TJP1: variants seen among roughly 807,000 people sequenced by gnomAD.
TJP1 encodes the protein tight junction protein 1.
A neutral mutation model predicts 194.2 loss-of-function variants in TJP1; 43 were observed. The ratio of observed to expected loss-of-function variants is 0.22; its 90% confidence interval spans 0.17 to 0.29. The LOEUF (loss-of-function observed/expected upper bound fraction) is 0.29, where lower values mean the gene tolerates loss of function less well. Ranked by LOEUF, TJP1 falls within the 10% of genes least tolerant of loss-of-function variation. The pLI is 1.00. For synonymous variants in TJP1, 801 were observed against 779.0 expected (o/e 1.03, Z -0.47); for missense variants, 1,971 against 2,185.7 (o/e 0.90, Z 1.96).
chr15:29,959,076 G>C (rs964998237), intron 1 of TJP1, among the ~76,000 whole-genome samples: 4 of 150,914 alleles, frequency 2.7e-5, no homozygotes, highest in Non-Finnish European at 5.9e-5. Context: ...TGCAAGCTCC[G>C]TCTCCTGGGT....
At chr15:29,862,471 AC>A (rs200826030) in intron 2 of TJP1, among the ~76,000 whole-genome samples, 433 of 151,884 alleles carry the variant, frequency 2.9e-3, no homozygotes, top group African/African-American at 9.9e-3. Flanking sequence ...ACAAAAAAAA[AC>A]CCCTCGTATA....
intron 1 of TJP1, among the ~76,000 whole-genome samples, chr15:29,807,042 T>G (rs141402872): frequency 3.5e-4 from 54 of 152,318 alleles, no homozygotes; most frequent in Admixed American, 3.9e-4. Flanking sequence ...GATAAAAGTC[T>G]CAATAGAAAT....
intron 16 of TJP1, among the ~76,000 whole-genome samples, chr15:29,727,290 G>A (rs1372432873): frequency 2.6e-5 from 4 of 151,212 alleles, no homozygotes; most frequent in Non-Finnish European, 5.9e-5. Context: ...GCTACAGTGA[G>A]CCGAGATCAC....
intron 2 of TJP1, among the ~76,000 whole-genome samples, chr15:29,887,788 C>A (rs1340484403): frequency 2.6e-5 from 4 of 152,140 alleles, no homozygotes; most frequent in Non-Finnish European, 5.9e-5. Flanking sequence ...CAAAGGTCAT[C>A]ATCAAAAGAC....
At chr15:29,758,698 C>T (rs1329757982) in intron 8 of TJP1, among the ~76,000 whole-genome samples, 5 of 152,092 alleles carry the variant, frequency 3.3e-5, no homozygotes, top group African/African-American at 1.2e-4. Flanking sequence ...TGCTATATCA[C>T]TGTGTGTGTG....
intron 22 of TJP1, among the ~76,000 whole-genome samples, chr15:29,717,527 T>A (rs1406412907): frequency 1.2e-4 from 2 of 16,090 alleles, no homozygotes; most frequent in African/African-American, 1.9e-4. Context: ...TCTTGTAAGC[T>A]ACTTGCCCCT....
intron 2 of TJP1, among the ~76,000 whole-genome samples, chr15:29,941,785 C>G (rs545412873): frequency 6.6e-6 from 1 of 152,222 alleles, no homozygotes; most frequent in South Asian, 2.1e-4. Flanking sequence ...AGATTGTGAC[C>G]ATTTTAAAGG....
intron 23 of TJP1, among the ~76,000 whole-genome samples, chr15:29,712,857 C>T (rs2042324197): frequency 6.9e-6 from 1 of 145,982 alleles, no homozygotes; most frequent in Non-Finnish European, 1.5e-5. Flanking sequence ...CAAGTGAAGA[C>T]ACAGGAAAAA....
chr15:29,874,988 A>C (rs1328744481), intron 2 of TJP1, among the ~76,000 whole-genome samples: 1 of 152,246 alleles, frequency 6.6e-6, no homozygotes, highest in African/African-American at 2.4e-5. Flanking sequence ...ATCAAAAAGA[A>C]GCATGTATTG....
chr15:29,745,930 G>C (rs183605568), intron 8 of TJP1, among the ~76,000 whole-genome samples: 1 of 152,168 alleles, frequency 6.6e-6, no homozygotes, highest in Non-Finnish European at 1.5e-5. Flanking sequence ...TCTGGAGAAT[G>C]GCTTAATTCA....
At chr15:29,831,656 C>T (rs1292767206) in intron 2 of TJP1, among the ~76,000 whole-genome samples, 4 of 152,062 alleles carry the variant, frequency 2.6e-5, no homozygotes, top group Non-Finnish European at 4.4e-5. Context: ...CACTGTAAAA[C>T]GACATTTTAA....
intron 2 of TJP1, among the ~76,000 whole-genome samples, chr15:29,882,705 C>T (rs985757471): frequency 7.9e-5 from 12 of 152,178 alleles, no homozygotes; most frequent in Admixed American, 2.6e-4. Context: ...CCTCCCCAAA[C>T]GAAGAGCCAC....
chr15:29,811,191 T>C (rs2049474139), intron 1 of TJP1, among the ~76,000 whole-genome samples: 1 of 152,042 alleles, frequency 6.6e-6, no homozygotes, highest in Non-Finnish European at 1.5e-5. Context: ...AATAATCCAC[T>C]AGGAGCTTAC....
At chr15:29,846,090 C>T (rs994251541) in intron 2 of TJP1, among the ~76,000 whole-genome samples, 1 of 152,168 alleles carries the variant, frequency 6.6e-6, no homozygotes, top group African/African-American at 2.4e-5. Context: ...ATCTTTGCGT[C>T]TTTCTTCTCT....
chr15:29,882,311 C>A (rs1374151226), intron 2 of TJP1, among the ~76,000 whole-genome samples: 2 of 152,108 alleles, frequency 1.3e-5, no homozygotes, highest in Non-Finnish European at 2.9e-5. Context: ...TCAGTAGGCT[C>A]AAAGCTATAA....
upstream of TJP1, among the ~76,000 whole-genome samples, chr15:29,824,438 C>T (rs1416085211): frequency 4.0e-5 from 5 of 124,076 alleles, no homozygotes; most frequent in Non-Finnish European, 8.6e-5. Flanking sequence ...AGCGAAACTC[C>T]GTCTCAAATC....
At chr15:29,736,991 T>C (rs2044076686) in intron 11 of TJP1, among the ~76,000 whole-genome samples, 1 of 152,218 alleles carries the variant, frequency 6.6e-6, no homozygotes, top group Non-Finnish European at 1.5e-5. Flanking sequence ...AGACTTATTT[T>C]CTTTTATTTC....
At chr15:29,875,568 T>G (rs1277276925) in intron 2 of TJP1, among the ~76,000 whole-genome samples, 2 of 152,138 alleles carry the variant, frequency 1.3e-5, no homozygotes, top group African/African-American at 4.8e-5. Context: ...CATATTTTTT[T>G]ATTTTTATTT....
intron 2 of TJP1, among the ~76,000 whole-genome samples, chr15:29,887,379 C>A (rs914373834): frequency 5.9e-5 from 9 of 151,606 alleles, no homozygotes; most frequent in Admixed American, 6.6e-5. Flanking sequence ...CGGCTCACTG[C>A]AACCTCCTCT....
Sources: allele counts gnomAD v4.1 joint callset (sites outside exome capture counted in the v4.1 genomes callset), GRCh38; gene constraint gnomAD v4.1.1; transcripts MANE v1.5; gene names NCBI Gene and HGNC (gene_info 2026-07-23, HGNC 2026-07-21).